Variants in RSRC1 observed in about 807,000 individuals in gnomAD.
RSRC1 encodes serine/Arginine-related protein 53.
In RSRC1, 39 loss-of-function variants were observed where a neutral mutation model predicts 49.1. That is an observed-to-expected ratio of 0.79 (90% CI 0.61 to 1.04). The LOEUF is 1.04. Ranked by LOEUF, RSRC1 falls within the 50% of genes least tolerant of loss-of-function variation. RSRC1 has a pLI of 0.00. For synonymous variants in RSRC1, 143 were observed against 130.8 expected (o/e 1.09, Z -0.63); for missense variants, 388 against 402.4 (o/e 0.96, Z 0.31).
At chr3:158,303,374 T>C (rs1224627265) in intron 5 of RSRC1, 1 of 152,230 alleles carries the variant, frequency 6.6e-6, no homozygotes, top group Non-Finnish European at 1.5e-5. Flanking sequence ...ATGATGTTTC[T>C]AAAGCTTCCT....
At chr3:158,450,352 T>C (rs1300507961) in intron 6 of RSRC1, among the ~76,000 whole-genome samples, 1 of 150,938 alleles carries the variant, frequency 6.6e-6, no homozygotes, top group Non-Finnish European at 1.5e-5. Flanking sequence ...TTTTTGCTTT[T>C]ACACAGCCAG....
At chr3:158,362,208 CA>C (rs1173406976) in intron 6 of RSRC1, among the ~76,000 whole-genome samples, 8 of 152,138 alleles carry the variant, frequency 5.3e-5, no homozygotes, top group Admixed American at 5.2e-4. Flanking sequence ...GGCATGGTGG[CA>C]CATGCTTCTG....
chr3:158,498,797 A>G (rs1038223507), intron 7 of RSRC1, among the ~76,000 whole-genome samples: 2 of 152,104 alleles, frequency 1.3e-5, no homozygotes, highest in African/African-American at 2.4e-5. Context: ...TGGCTAGCCA[A>G]TTATCCCATC....
intron 3 of RSRC1, among the ~76,000 whole-genome samples, chr3:158,200,037 A>G (rs1292421932): frequency 6.6e-6 from 1 of 151,708 alleles, no homozygotes; most frequent in Non-Finnish European, 1.5e-5. Flanking sequence ...ATATATTTTT[A>G]TCCATTTACT....
chr3:158,302,026 G>T (rs554227088), intron 5 of RSRC1, among the ~76,000 whole-genome samples: 1 of 144,830 alleles, frequency 6.9e-6, no homozygotes, highest in African/African-American at 2.6e-5. Context: ...CTGTGTGTGT[G>T]TATGTGTGGT....
chr3:158,334,554 C>A (rs1255367433), intron 5 of RSRC1, among the ~76,000 whole-genome samples: 1 of 151,010 alleles, frequency 6.6e-6, no homozygotes, highest in Admixed American at 6.6e-5. Flanking sequence ...GATCTCAGCT[C>A]ACTGCAACCT....
chr3:158,320,582 C>A (rs1222432575), intron 5 of RSRC1, among the ~76,000 whole-genome samples: 1 of 152,158 alleles, frequency 6.6e-6, no homozygotes, highest in Admixed American at 6.5e-5. Context: ...CAGGACTTTA[C>A]TGCTATTCAC....
intron 6 of RSRC1, among the ~76,000 whole-genome samples, chr3:158,452,188 G>A (rs183610987): frequency 6.6e-6 from 1 of 152,190 alleles, no homozygotes; most frequent in Admixed American, 6.5e-5. Flanking sequence ...ATATTAAACT[G>A]TGATTCACAG....
rs565817738 is a variant in RSRC1 at position 158,504,370 on chromosome 3, A to G, written c.653-32722A>G. On this transcript the variant is annotated intron_variant, in intron 7 of 9. Transcript: ENST00000611884. The stretch of plus-strand genomic sequence containing the variant: ...GATGCTGTCTGTCCATCCAGGTCGG[A>G]GCTGCAGTCTAGTCCTGCTTCCCAT... Among the ~76,000 whole-genome samples, 11 of 152,338 alleles carry G rather than the reference A, an allele frequency of 7.2e-5. No homozygotes were observed. In the South Asian group the frequency reaches 1.2e-3, roughly 17 times the overall value.
At chr3:158,449,496 G>C (rs1736899933) in intron 6 of RSRC1, among the ~76,000 whole-genome samples, 1 of 151,936 alleles carries the variant, frequency 6.6e-6, no homozygotes. Context: ...CTCTCCATGA[G>C]GGAGGATTCT....
At chr3:158,187,173 G>A (rs1719979574) in intron 3 of RSRC1, among the ~76,000 whole-genome samples, 1 of 151,808 alleles carries the variant, frequency 6.6e-6, no homozygotes, top group African/African-American at 2.4e-5. Context: ...TCCCCCAACA[G>A]GAGAAAAATA....
chr3:158,204,935 A>G (rs1618377), intron 4 of RSRC1, among the ~76,000 whole-genome samples: 93,077 of 151,854 alleles, frequency 0.61, 28,891 homozygotes, highest in East Asian at 0.73. Context: ...GAAAGGTTAG[A>G]TTGTGTTAAA....
chr3:158,495,996 C>T (rs1357776194), intron 7 of RSRC1, among the ~76,000 whole-genome samples: 3 of 152,150 alleles, frequency 2.0e-5, no homozygotes, highest in African/African-American at 7.2e-5. Context: ...TACATACACA[C>T]ATATGTTATA....
intron 3 of RSRC1, among the ~76,000 whole-genome samples, chr3:158,167,438 G>T (rs540443162): frequency 6.6e-6 from 1 of 152,134 alleles, no homozygotes; most frequent in Non-Finnish European, 1.5e-5. Context: ...TGATCCACCC[G>T]CCTTGGCCTT....
chr3:158,140,891 A>T (rs1716703018), intron 3 of RSRC1, among the ~76,000 whole-genome samples: 1 of 152,206 alleles, frequency 6.6e-6, no homozygotes, highest in Non-Finnish European at 1.5e-5. Context: ...TCTTCCTGCT[A>T]GAGAGGATTT....
chr3:158,148,366 C>CGTGTGTGTGTGTGTGCGTGTGT (rs1553761606), intron 3 of RSRC1, among the ~76,000 whole-genome samples: 280 of 149,762 alleles, frequency 1.9e-3, no homozygotes, highest in African/African-American at 6.6e-3. Context: ...TGTGTGTGTG[C>CGTGTGTGTGTGTGTGCGTGTGT]GTGTGTGTGT....
chr3:158,208,473 C>T (rs180682237), intron 4 of RSRC1, among the ~76,000 whole-genome samples: 1 of 152,228 alleles, frequency 6.6e-6, no homozygotes, highest in Non-Finnish European at 1.5e-5. Flanking sequence ...CAGTGATCCT[C>T]CCACCTTAGC....
chr3:158,234,487 G>A (rs1451009547), intron 4 of RSRC1, among the ~76,000 whole-genome samples: 1 of 152,146 alleles, frequency 6.6e-6, no homozygotes, highest in Non-Finnish European at 1.5e-5. Flanking sequence ...TACAAAAAAG[G>A]TAATTGATAT....
At chr3:158,194,794 G>C (rs1474759349) in intron 3 of RSRC1, among the ~76,000 whole-genome samples, 1 of 151,902 alleles carries the variant, frequency 6.6e-6, no homozygotes, top group Admixed American at 6.6e-5. Flanking sequence ...ATGGTTTCCA[G>C]CTTCATCCAT....
Sources: gnomAD v4.1 joint callset for allele counts (sites outside exome capture counted in the v4.1 genomes callset) on GRCh38, gnomAD v4.1.1 for gene constraint, MANE v1.5 for transcripts, NCBI Gene and HGNC (gene_info 2026-07-23, HGNC 2026-07-21) for gene names.